The following LRP1B variants were observed in gnomAD, a reference collection of about 807,000 sequenced individuals.
LRP1B encodes the protein LDL receptor related protein 1B, also known as low-density lipoprotein receptor-related protein 1B.
Under a neutral mutation model 556.6 loss-of-function variants are expected in LRP1B, and 217 were observed. The ratio of observed to expected loss-of-function variants is 0.39; its 90% CI spans 0.35 to 0.44. LRP1B has a LOEUF of 0.44. Among genes scored for constraint, LRP1B ranks in the 20% least tolerant of loss-of-function variants. The pLI is 1.00. For synonymous variants in LRP1B, 2,047 were observed against 1,865.8 expected, an observed-to-expected ratio of 1.10 and a Z score of -2.50; for missense variants, 5,053 against 5,620.8, an observed-to-expected ratio of 0.90 and a Z score of 3.23.
chr2:140,278,445 A>G (rs954799864), intron 84 of LRP1B, among the ~76,000 whole-genome samples: 4 of 151,994 alleles, frequency 2.6e-5, no homozygotes, highest in Non-Finnish European at 4.4e-5. Flanking sequence ...TTATTTCGCT[A>G]ACTAGGCTAA....
chr2:141,919,642 G>A (rs1275746375), intron 1 of LRP1B, among the ~76,000 whole-genome samples: 1 of 151,998 alleles, frequency 6.6e-6, no homozygotes, highest in Non-Finnish European at 1.5e-5. Context: ...TGTTCTCACA[G>A]CAATATTTTT....
intron 62 of LRP1B, among the ~76,000 whole-genome samples, chr2:140,454,201 G>A (rs1686995966): frequency 6.6e-6 from 1 of 152,068 alleles, no homozygotes; most frequent in East Asian, 1.9e-4. Context: ...CTAGGCTGGA[G>A]TGAGTGTCAT....
chr2:142,034,601 A>G (rs1350465838), intron 1 of LRP1B, among the ~76,000 whole-genome samples: 1 of 151,716 alleles, frequency 6.6e-6, no homozygotes, highest in Admixed American at 6.6e-5. Flanking sequence ...TATCATTTGC[A>G]TTTTTAGTAC....
rs551185027 is a variant in LRP1B at position 140,389,409 on chromosome 2, TCTA to T, written c.10415-3403_10415-3401del. Among the ~76,000 whole-genome samples, 33 of 151,980 alleles carry T rather than the reference TCTA, an allele frequency of 2.2e-4. No homozygotes were observed. The South Asian group carries it at 5.2e-3, about 24-fold the overall frequency. On this transcript the variant is annotated intron_variant, in intron 66 of 90. Coordinates refer to ENST00000389484, the MANE Select transcript of LRP1B (RefSeq NM_018557.3). The stretch of plus-strand genomic sequence containing the variant: ...AAGTTTCTCTTTAGACCCAAAGGAA[TCTA>T]CTAACTACTACAAGTAATAAGTAAA...
At chr2:142,039,653 TGTG>T (rs754808206) in intron 1 of LRP1B, among the ~76,000 whole-genome samples, 19 of 151,488 alleles carry the variant, frequency 1.3e-4, no homozygotes, top group Non-Finnish European at 2.1e-4. Context: ...AGCAGTTGGA[TGTG>T]GGGATGACTA....
chr2:141,763,189 C>G (rs1340727581), intron 2 of LRP1B, among the ~76,000 whole-genome samples: 1 of 152,040 alleles, frequency 6.6e-6, no homozygotes, highest in Non-Finnish European at 1.5e-5. Context: ...GAATTCAATT[C>G]TTTACATGAT....
chr2:141,060,536 C>A (rs1000395466), intron 8 of LRP1B, among the ~76,000 whole-genome samples: 10 of 151,766 alleles, frequency 6.6e-5, no homozygotes, highest in African/African-American at 2.4e-4. Flanking sequence ...CCATTAGTCT[C>A]GTGCATGTTT....
At chr2:141,263,258 C>A (rs75303527) in intron 3 of LRP1B, among the ~76,000 whole-genome samples, 2,034 of 151,752 alleles carry the variant, frequency 0.013, 31 homozygotes, top group African/African-American at 0.039. Flanking sequence ...ACAAAGAAAA[C>A]TAAAAAGAAA....
At chr2:141,395,135 T>C (rs916628995) in intron 3 of LRP1B, among the ~76,000 whole-genome samples, 2 of 152,074 alleles carry the variant, frequency 1.3e-5, no homozygotes, top group Admixed American at 1.3e-4. Context: ...AAAAATAAAT[T>C]GAATGTAGTG....
chr2:140,851,452 C>T (rs1394805789), intron 28 of LRP1B, among the ~76,000 whole-genome samples, 200 bp downstream of exon 28: 1 of 152,008 alleles, frequency 6.6e-6, no homozygotes, highest in Non-Finnish European at 1.5e-5. Context: ...CAACATATCA[C>T]ATATTTAAAG....
intron 3 of LRP1B, among the ~76,000 whole-genome samples, chr2:141,319,312 T>TG (rs1246850997): frequency 1.3e-5 from 2 of 148,306 alleles, no homozygotes; most frequent in African/African-American, 2.5e-5. Context: ...TTTTTGTTGT[T>TG]TTTTTTTTTT....
At chr2:141,480,592 T>G in intron 2 of LRP1B, 59 bp from the exon 3 acceptor site, 1 of 1,538,262 alleles carries the variant, frequency 6.5e-7, no homozygotes, top group Non-Finnish European at 9.0e-7. Context: ...GGTAAAACTG[T>G]TAAGCACAAG....
intron 3 of LRP1B, among the ~76,000 whole-genome samples, chr2:141,422,107 T>C (rs986143823): frequency 4.6e-5 from 7 of 152,220 alleles, no homozygotes; most frequent in Non-Finnish European, 7.3e-5. Flanking sequence ...TTACTGTGAC[T>C]CAGTGACCCA....
At chr2:141,647,740 ATAG>A (rs992940977) in intron 2 of LRP1B, among the ~76,000 whole-genome samples, 1 of 147,844 alleles carries the variant, frequency 6.8e-6, no homozygotes, top group Non-Finnish European at 1.5e-5. Flanking sequence ...AAGTAGCTTA[ATAG>A]TAGTTTTTAA....
chr2:141,162,558 C>T (rs1339965954), intron 7 of LRP1B, among the ~76,000 whole-genome samples: 4 of 152,048 alleles, frequency 2.6e-5, no homozygotes, highest in Non-Finnish European at 5.9e-5. Context: ...ATCATATCTT[C>T]TTCCAAGATC....
At chr2:141,515,905 GA>G (rs985911429) in intron 2 of LRP1B, among the ~76,000 whole-genome samples, 1 of 152,162 alleles carries the variant, frequency 6.6e-6, no homozygotes, top group African/African-American at 2.4e-5. Context: ...ATCAGAATGT[GA>G]AAAGAGAGAA....
At chr2:140,330,124 C>T (rs1185811803) in intron 79 of LRP1B, among the ~76,000 whole-genome samples, 3 of 150,850 alleles carry the variant, frequency 2.0e-5, no homozygotes, top group East Asian at 2.0e-4. Flanking sequence ...TGCTTGAACC[C>T]GGGAGGCAGA....
chr2:141,109,432 A>G (rs34161362), intron 7 of LRP1B, among the ~76,000 whole-genome samples: 4,115 of 152,262 alleles, frequency 0.027, 202 homozygotes, highest in African/African-American at 0.093. Context: ...CATCTAAGAA[A>G]TCAAGCAAAA....
intron 29 of LRP1B, among the ~76,000 whole-genome samples, chr2:140,845,031 G>C (rs1692232341): frequency 6.6e-6 from 1 of 152,134 alleles, no homozygotes; most frequent in Non-Finnish European, 1.5e-5. Context: ...ACACACCCTA[G>C]TGAAAGATGA....
Sources: gnomAD v4.1 joint callset for allele counts (sites outside exome capture counted in the v4.1 genomes callset) on GRCh38, gnomAD v4.1.1 for gene constraint, MANE v1.5 for transcripts, NCBI Gene and HGNC (gene_info 2026-07-23, HGNC 2026-07-21) for gene names.